ARFGEF3: variants seen among roughly 807,000 people sequenced by gnomAD.
ARFGEF3 encodes the protein ARFGEF family member 3, also known as brefeldin A-inhibited guanine nucleotide-exchange protein 3.
A neutral mutation model predicts 221.7 loss-of-function variants in ARFGEF3; 96 were observed. That is an observed-to-expected ratio of 0.43 (90% CI 0.37 to 0.51). The LOEUF is 0.51. Ranked by LOEUF, ARFGEF3 falls within the 20% of genes least tolerant of loss-of-function variation. The probability of loss-of-function intolerance (pLI) is 0.00; values close to 1 mark genes in which losing one functional copy is unlikely to be tolerated. For synonymous variants in ARFGEF3, 1,145 were observed against 1,126.8 expected (o/e 1.02, Z -0.32); for missense variants, 2,410 against 2,789.9 (o/e 0.86, Z 3.07).
chr6:138,285,884 A>G (rs1373276788), intron 14 of ARFGEF3, 62 bp from the exon 15 acceptor site: 21 of 954,898 alleles, frequency 2.2e-5, no homozygotes, highest in Non-Finnish European at 2.7e-5. Context: ...TGTGGTGGCC[A>G]TTTGCTTGTT....
Position 138,162,189 on chromosome 6 carries a change from G to C in ARFGEF3, c.85+18G>C. 1 of 1,582,470 alleles carries C rather than the reference G, an allele frequency of 6.3e-7. No homozygotes were observed. The highest frequency in any genetic ancestry group is 8.6e-7 in the Non-Finnish European group (1 of 1,161,620). The stretch of plus-strand genomic sequence containing the variant: ...GGCCCTGGGTAAGCGTCCGGCACCT[G>C]CTCGCCGCGGCGGGAGGGCCGCGCG... On this transcript the variant is annotated intron_variant, in intron 1 of 33. Transcript: ENST00000251691. This position sits in a 1 kb window ranked among gnomAD's most constrained non-coding sequence, Gnocchi z 4.7.
At chr6:138,174,619 T>C (rs1490928592) in intron 2 of ARFGEF3, among the ~76,000 whole-genome samples, 1 of 152,102 alleles carries the variant, frequency 6.6e-6, no homozygotes, top group Admixed American at 6.6e-5. Flanking sequence ...TTATAAACTA[T>C]CTCTTGCATT....
intron 4 of ARFGEF3, among the ~76,000 whole-genome samples, chr6:138,225,144 A>T (rs1778059219): frequency 6.6e-6 from 1 of 152,202 alleles, no homozygotes. Context: ...CTTCGACATC[A>T]TCTAGATCTT....
chr6:138,162,287 T>C lies in ARFGEF3; in HGVS notation c.85+116T>C. 1 of 636,756 alleles carries C rather than the reference T, an allele frequency of 1.6e-6. No homozygotes were observed. Among genetic ancestry groups the C allele is most frequent in the Non-Finnish European group, 2.6e-6 (1 of 388,696 alleles). The allele number at this position is 636,756 out of a possible 1,614,324, so 39.4% of individuals were successfully genotyped here. Reference sequence around the variant, plus strand: ...CGGTCATGGGTGCCGTTCTGGCGATTGCGAGAGTCGCCTCGGGAAATTGAT... The same window carrying C: ...CGGTCATGGGTGCCGTTCTGGCGATCGCGAGAGTCGCCTCGGGAAATTGAT... On this transcript the variant is annotated intron_variant, in intron 1 of 33. Transcript: ENST00000251691. The surrounding 1 kb of genome is among the most constrained non-coding windows in gnomAD (Gnocchi z 4.7).
At chr6:138,336,201 A>G in intron 33 of ARFGEF3, 94 bp from the exon 34 acceptor site, 2 of 985,888 alleles carry the variant, frequency 2.0e-6, no homozygotes, top group Non-Finnish European at 2.9e-6. Flanking sequence ...TAAAGCCTGG[A>G]AAAAAACCAT....
At chr6:138,321,337 G>A (rs558332385) in intron 29 of ARFGEF3, 112 bp downstream of exon 29, 1 of 616,992 alleles carries the variant, frequency 1.6e-6, no homozygotes, top group East Asian at 2.8e-5. Context: ...CTTTCTGTAA[G>A]TAGACTTTTG....
At chr6:138,325,520 G>T (rs1256062804) in intron 31 of ARFGEF3, among the ~76,000 whole-genome samples, 1 of 152,254 alleles carries the variant, frequency 6.6e-6, no homozygotes, top group Admixed American at 6.5e-5. Flanking sequence ...AGTTGGGACA[G>T]AAGAAAGGTT....
intron 4 of ARFGEF3, among the ~76,000 whole-genome samples, chr6:138,220,107 C>T (rs753863276): frequency 7.9e-5 from 12 of 152,148 alleles, no homozygotes; most frequent in Non-Finnish European, 1.3e-4. Context: ...CAGCCTTGAC[C>T]TCCAGGTCTC....
chr6:138,225,512 T>C (rs559789994), intron 4 of ARFGEF3, among the ~76,000 whole-genome samples: 3 of 152,372 alleles, frequency 2.0e-5, no homozygotes, highest in East Asian at 1.9e-4. Context: ...AAAGCACTTA[T>C]CACAGTCAGC....
At chr6:138,314,345 G>T (rs1235004142) in intron 26 of ARFGEF3, among the ~76,000 whole-genome samples, 1 of 152,116 alleles carries the variant, frequency 6.6e-6, no homozygotes, top group East Asian at 1.9e-4. Flanking sequence ...ACCTCTTAAA[G>T]GTCCCACCTG....
intron 28 of ARFGEF3, 70 bp downstream of exon 28, chr6:138,319,949 G>A (rs1779993603): frequency 7.7e-7 from 1 of 1,305,090 alleles, no homozygotes; most frequent in Non-Finnish European, 1.1e-6. Context: ...CTAAAACGGT[G>A]TAGTAAATAC....
intron 4 of ARFGEF3, among the ~76,000 whole-genome samples, chr6:138,213,550 A>G (rs1777776719): frequency 1.3e-5 from 2 of 151,554 alleles, no homozygotes; most frequent in South Asian, 4.2e-4. Flanking sequence ...GGATGAACCC[A>G]AAAGATATTA....
At chr6:138,233,629 G>A (rs1033775751) in intron 5 of ARFGEF3, among the ~76,000 whole-genome samples, 5 of 151,974 alleles carry the variant, frequency 3.3e-5, no homozygotes, top group East Asian at 1.9e-4. Context: ...CACCCGCCTC[G>A]GCCTCCCAAA....
rs1780441429 is a variant in ARFGEF3 at position 138,342,204 on chromosome 6, G to C, written c.*5718G>C. On this transcript the variant is annotated 3_prime_UTR_variant, in exon 34 of 34. Coordinates refer to ENST00000251691, the MANE Select transcript of ARFGEF3 (RefSeq NM_020340.5). ...TTTTTAAAATAAGACACAGATTGCT[G>C]GGCTCATGGTCAGAGTTCCCAGTTA... 1 of 152,116 alleles carries C rather than the reference G, an allele frequency of 6.6e-6. No homozygotes were observed. The highest frequency in any genetic ancestry group is 2.4e-5 in the African/African-American group (1 of 41,424). 9.4% of individuals were successfully genotyped at this position (152,116 alleles called of 1,614,324 possible).
At chr6:138,180,476 C>T (rs1348953793) in intron 2 of ARFGEF3, among the ~76,000 whole-genome samples, 1 of 152,152 alleles carries the variant, frequency 6.6e-6, no homozygotes, top group East Asian at 1.9e-4. Flanking sequence ...GTCTCCTTTT[C>T]TTGCCTTCTT....
rs964797401 is a variant in ARFGEF3, at chr6:138,343,999, A to G, written c.*7513A>G. 2 of 152,150 alleles carry G rather than the reference A, an allele frequency of 1.3e-5. No homozygotes were observed. The highest frequency in any genetic ancestry group is 6.5e-5 in the Admixed American group (1 of 15,268). The allele number at this position is 152,150 out of a possible 1,614,324, so 9.4% of individuals were successfully genotyped here. ...TGGGGATGGGACAGATAAGAATAAG[A>G]TGTTTATTGCCCTAATCATGCTAAG... On this transcript the variant is annotated 3_prime_UTR_variant, in exon 34 of 34. Coordinates refer to ENST00000251691, the MANE Select transcript of ARFGEF3 (RefSeq NM_020340.5).
chr6:138,301,899 T>C (rs1378994656), intron 22 of ARFGEF3, among the ~76,000 whole-genome samples: 1 of 151,642 alleles, frequency 6.6e-6, no homozygotes, highest in Non-Finnish European at 1.5e-5. Flanking sequence ...AAAATAAAAA[T>C]GAAGAACAAA....
chr6:138,285,115 T>G (rs203136), intron 14 of ARFGEF3, among the ~76,000 whole-genome samples: 74,460 of 152,070 alleles, frequency 0.49, 21,052 homozygotes, highest in African/African-American at 0.79. Flanking sequence ...TACCTAATTT[T>G]AGCTGTTTCG....
chr6:138,169,578 A>G (rs74826552), intron 1 of ARFGEF3, among the ~76,000 whole-genome samples: 4,236 of 152,262 alleles, frequency 0.028, 89 homozygotes, highest in African/African-American at 0.056. Flanking sequence ...GGTGGGCTGC[A>G]CTGGCCTGTG....
Sources: gnomAD v4.1 joint callset for allele counts (sites outside exome capture counted in the v4.1 genomes callset) on GRCh38, gnomAD v4.1.1 for gene constraint, Gnocchi (gnomAD v3.1) non-coding constraint, MANE v1.5 for transcripts, NCBI Gene and HGNC (gene_info 2026-07-23, HGNC 2026-07-21) for gene names.